Variants in WFDC8 observed in about 807,000 individuals in gnomAD.
WFDC8 encodes WAP four-disulfide core domain protein 8.
WFDC8 carries 24 observed loss-of-function variants against 27.0 expected under a neutral mutation model. The observed-to-expected ratio is 0.89, with a 90% CI of 0.64 to 1.25. The LOEUF is 1.25. WFDC8 is among the 50% of genes most tolerant of loss of function. The pLI is 0.00. For synonymous variants in WFDC8, 106 were observed against 99.7 expected, an observed-to-expected ratio of 1.06 and a Z score of -0.38; for missense variants, 287 against 295.9, an observed-to-expected ratio of 0.97 and a Z score of 0.22.
At chr20:45,561,663 G>A (rs139849583) in intron 2 of WFDC8, among the ~76,000 whole-genome samples, 1 of 151,952 alleles carries the variant, frequency 6.6e-6, no homozygotes, top group African/African-American at 2.4e-5. Flanking sequence ...CTCAACTACT[G>A]CAGCAGCCTC....
intron 5 of WFDC8, 120 bp downstream of exon 5, chr20:45,553,016 G>A: frequency 8.0e-7 from 1 of 1,256,516 alleles, no homozygotes; most frequent in Non-Finnish European, 1.1e-6. Flanking sequence ...GGTTCCCAAA[G>A]ATCCTCAAAG....
In WFDC8 at chr20:45,552,023, T is replaced by TA; in HGVS notation, c.*2dup. 6.2e-7 allele frequency: 1 copy of TA among 1,613,326 alleles called. No homozygotes were observed. Among genetic ancestry groups the TA allele is most frequent in the Non-Finnish European group, 8.5e-7 (1 of 1,179,686 alleles). On this transcript the variant is annotated 3_prime_UTR_variant, in exon 6 of 6. Coordinates refer to ENST00000289953, the MANE Select transcript of WFDC8 (RefSeq NM_130896.3). ...TTTGATGATAATATTTTCTACTTAC[T>TA]ATTCAACGTCTGGGGTCCATACATT... is the stretch of plus-strand genomic sequence containing the variant.
intron 3 of WFDC8, 115 bp from the exon 4 acceptor site, chr20:45,555,983 C>T (rs774938346): frequency 8.2e-6 from 9 of 1,091,644 alleles, no homozygotes; most frequent in Admixed American, 2.4e-5. Context: ...TAAAAGGAGC[C>T]ATGGCAGGGG....
chr20:45,557,078 C>T (rs1980286794), intron 3 of WFDC8, among the ~76,000 whole-genome samples: 1 of 152,136 alleles, frequency 6.6e-6, no homozygotes, highest in Non-Finnish European at 1.5e-5. Flanking sequence ...ACAGAAAGGG[C>T]CAATTGATCA....
At chr20:45,559,105 T>G in intron 2 of WFDC8, 113 bp from the exon 3 acceptor site, 1 of 1,342,074 alleles carries the variant, frequency 7.5e-7, no homozygotes, top group African/African-American at 1.5e-5. Context: ...CTTCGATTCT[T>G]AGTTCTTGCT....
chr20:45,552,122 C>G lies in WFDC8; in HGVS notation c.630G>C (p.Lys210Asn), dbSNP rs1313475037. The G allele has an allele frequency of 1.2e-6, 2 of 1,614,136 alleles. No individual in the cohort carries two copies. The highest frequency in any genetic ancestry group is 1.7e-6 in the Non-Finnish European group (2 of 1,179,980). ...FCPRKPLLCT[K>N]IDKPKCLQDE... is the part of the protein sequence containing the mutation. ...CCTGCAGGCACTTGGGTTTATCAAT[C>G]TTGGTACATAGCAAGGGCTTGCGTG... Residue 210 changes from lysine to asparagine, a missense_variant, in exon 6 of 6, where the codon AAG becomes AAC. Physicochemically the swap from Lys to Asn is moderately conservative, Grantham distance 94. Coordinates refer to ENST00000289953, the MANE Select transcript of WFDC8 (RefSeq NM_130896.3).
At position 45,553,250 on chromosome 20, in the gene WFDC8, G is replaced by A. The variant is rs1355142434; in HGVS notation, c.472C>T (p.Pro158Ser). The A allele has an allele frequency of 6.2e-7, 1 of 1,613,746 alleles. No individual in the cohort carries two copies. The highest frequency in any genetic ancestry group is 1.1e-5 in the South Asian group (1 of 91,058). ...GGACACTCCTTACGTTCAGTGAAAG[G>A]GAAGAGTGGGCATTGTCCATCCTTA... ...IVKDGQCPLF[P>S]FTERKECPPS... The change falls in exon 5 of 6, where the codon CCT becomes TCT. Residue 158 changes from proline to serine, a missense_variant. Pro to Ser is a moderately conservative substitution (Grantham distance 74). Coordinates refer to ENST00000289953, the MANE Select transcript of WFDC8 (RefSeq NM_130896.3).
chr20:45,578,032 A>T (rs371822841), intron 1 of WFDC8, among the ~76,000 whole-genome samples: 1,160 of 62,456 alleles, frequency 0.019, 28 homozygotes, highest in African/African-American at 0.054. Context: ...AATAAAAATA[A>T]AAATAAATAA....
intron 4 of WFDC8, among the ~76,000 whole-genome samples, chr20:45,555,403 AG>A (rs1980201105): frequency 6.6e-6 from 1 of 152,176 alleles, no homozygotes; most frequent in South Asian, 2.1e-4. Context: ...CCTTCTTCCA[AG>A]GGGGCACACC....
chr20:45,568,832 G>T, intron 1 of WFDC8: 1 of 317,836 alleles, frequency 3.1e-6, no homozygotes, highest in Admixed American at 3.3e-5. Context: ...GTCTCCAGAT[G>T]CTGAAAATAG....
At chr20:45,577,075 G>A (rs1163903886) in intron 1 of WFDC8, among the ~76,000 whole-genome samples, 1 of 151,356 alleles carries the variant, frequency 6.6e-6, no homozygotes, top group East Asian at 1.9e-4. Flanking sequence ...AAAAATTTGA[G>A]TCCCCCAACG....
intron 1 of WFDC8, among the ~76,000 whole-genome samples, chr20:45,577,413 T>C (rs770245796): frequency 3.4e-4 from 52 of 150,764 alleles, no homozygotes; most frequent in South Asian, 4.2e-4. Flanking sequence ...TCTTTTTTTT[T>C]TTTTGAGATG....
At chr20:45,553,361 A>G in intron 4 of WFDC8, 85 bp from the exon 5 acceptor site, 1 of 1,500,288 alleles carries the variant, frequency 6.7e-7, no homozygotes, top group Non-Finnish European at 8.9e-7. Context: ...CTTCAAAGCT[A>G]GTATCCCTTT....
rs552105757 is a variant in WFDC8 at position 45,559,194 on chromosome 20, A to G, written c.137-202T>C. The stretch of plus-strand genomic sequence containing the variant: ...GGATCTGAATCAGGAATTTGTGTCC[A>G]AGAAGAACTGAAGGAGAAGCATGTT... On this transcript the variant is annotated intron_variant, in intron 2 of 5. Transcript: ENST00000289953. 3.3e-5 allele frequency among the ~76,000 whole-genome samples: 5 copies of G among 152,320 alleles called. No individual in the cohort carries two copies. In the South Asian group the frequency reaches 1.0e-3, roughly 32 times the overall value.
In WFDC8 at chr20:45,553,194, G is replaced by A; in HGVS notation, c.528C>T (p.Pro176=). ...TGGATTCACAACATTTGTCTGTCTGGGGACAATCGATGTCACTGTGACATG... is the reference window on the plus strand; with the variant it reads ...TGGATTCACAACATTTGTCTGTCTGAGGACAATCGATGTCACTGTGACATG... ...PPSCHSDIDC[P]QTDKCCESRC... Residue 176 remains proline (P), a synonymous_variant, in exon 5 of 6, where the codon CCC becomes CCT. Transcript: ENST00000289953. The A allele has an allele frequency of 1.2e-6, 2 of 1,613,812 alleles. No individual in the cohort carries two copies. The highest frequency in any genetic ancestry group is 1.1e-5 in the South Asian group (1 of 91,056).
At chr20:45,555,548 G>A (rs1455543853) in intron 4 of WFDC8, among the ~76,000 whole-genome samples, 153 bp downstream of exon 4, 1 of 152,112 alleles carries the variant, frequency 6.6e-6, no homozygotes, top group Non-Finnish European at 1.5e-5. Flanking sequence ...AGCTTATAAA[G>A]GCAGGCAACT....
rs1238656127 is a variant in WFDC8, at chr20:45,553,116, G to C, written c.586+20C>G. The C allele has an allele frequency of 2.5e-6, 4 of 1,603,486 alleles. No homozygotes were observed. The highest frequency in any genetic ancestry group is 3.4e-6 in the Non-Finnish European group (4 of 1,175,636). Reference sequence around the variant, plus strand: ...TGGCACATGCCCAATAGATTTGGGAGGTATATCCCCAATCCTTACCTGTCC... The same window carrying C: ...TGGCACATGCCCAATAGATTTGGGACGTATATCCCCAATCCTTACCTGTCC... On this transcript the variant is annotated intron_variant, in intron 5 of 5. Transcript: ENST00000289953.
chr20:45,554,076 G>A (rs1011890112), intron 4 of WFDC8, among the ~76,000 whole-genome samples: 14 of 152,012 alleles, frequency 9.2e-5, no homozygotes, highest in Admixed American at 8.5e-4. Context: ...AGTGATCTTT[G>A]AGGAGGTGGG....
At chr20:45,573,261 A>G (rs1040387733) in intron 1 of WFDC8, among the ~76,000 whole-genome samples, 1 of 152,162 alleles carries the variant, frequency 6.6e-6, no homozygotes, top group South Asian at 2.1e-4. Context: ...CATTGCAGTT[A>G]GATCTTTTGT....
Sources: allele counts gnomAD v4.1 joint callset (sites outside exome capture counted in the v4.1 genomes callset), GRCh38; gene constraint gnomAD v4.1.1; transcripts MANE v1.5; gene names NCBI Gene and HGNC (gene_info 2026-07-23, HGNC 2026-07-21).